Variants in PIK3R2 observed in about 807,000 individuals in gnomAD.
PIK3R2 encodes phosphoinositide-3-kinase regulatory subunit 2.
A neutral mutation model predicts 78.5 loss-of-function variants in PIK3R2; 40 were observed. The ratio of observed to expected loss-of-function variants is 0.51; its 90% CI spans 0.40 to 0.66. The LOEUF is 0.66. Among genes scored for constraint, PIK3R2 ranks in the 30% least tolerant of loss-of-function variants. The pLI is 0.00. For missense variants in PIK3R2, 880 were observed against 1,026.6 expected, an observed-to-expected ratio of 0.86 and a Z score of 1.95; for synonymous variants, 473 against 457.7, an observed-to-expected ratio of 1.03 and a Z score of -0.43.
chr19:18,160,598 G>A lies in PIK3R2; in HGVS notation c.415+35G>A, dbSNP rs368679806. 347 of 1,507,526 alleles carry A rather than the reference G, an allele frequency of 2.3e-4. 1 individual carries two copies. Among genetic ancestry groups the A allele is most frequent in the Admixed American group, 1.0e-3 (61 of 58,258 alleles). The allele number at this position is 1,507,526 out of a possible 1,614,324, so 93.4% of individuals were successfully genotyped here. On this transcript the variant is annotated intron_variant, in intron 3 of 15. Coordinates refer to ENST00000222254, the MANE Select transcript of PIK3R2 (RefSeq NM_005027.4). Reference sequence around the variant, plus strand: ...AGCCTGGCTGCAGCCCCTGGATTCTGCTTGCTTACCTCTAGTGACAGGCGA... The same window carrying A: ...AGCCTGGCTGCAGCCCCTGGATTCTACTTGCTTACCTCTAGTGACAGGCGA...
At chr19:18,164,193 A>T (rs1296683860) in intron 11 of PIK3R2, among the ~76,000 whole-genome samples, 4 of 152,206 alleles carry the variant, frequency 2.6e-5, no homozygotes, top group Middle Eastern at 3.2e-3. Flanking sequence ...AAAAGGACAG[A>T]TGAGAAGGGC....
intron 2 of PIK3R2, among the ~76,000 whole-genome samples, chr19:18,158,235 T>C (rs971354991): frequency 3.3e-5 from 5 of 152,258 alleles, no homozygotes; most frequent in African/African-American, 1.2e-4. Flanking sequence ...ATGCCTGTAA[T>C]CCCAGCACTT....
In PIK3R2 at chr19:18,170,144, G is replaced by A; in HGVS notation, c.*850G>A. 1 of 155,436 alleles carries A rather than the reference G, an allele frequency of 6.4e-6. No homozygotes were observed. Among genetic ancestry groups the A allele is most frequent in the Non-Finnish European group, 1.4e-5 (1 of 69,752 alleles). The allele number at this position is 155,436 out of a possible 1,614,324, so 9.6% of individuals were successfully genotyped here. ...AATCTCTTGAACCCAGGAGATGGAG[G>A]TTGCAGTGAGCAGAGATCGTGCCAC... On this transcript the variant is annotated 3_prime_UTR_variant, in exon 16 of 16. Transcript: ENST00000222254.
At chr19:18,154,128 C>G (rs2043652152) in intron 1 of PIK3R2, among the ~76,000 whole-genome samples, 1 of 152,130 alleles carries the variant, frequency 6.6e-6, no homozygotes, top group Non-Finnish European at 1.5e-5. Flanking sequence ...TTCCGTCTGC[C>G]TGTCGCGCCT....
In PIK3R2 at chr19:18,170,090, C is replaced by G. The variant is rs1568641469; in HGVS notation, c.*796C>G. Reference sequence around the variant, plus strand: ...GGGCGTGGTGGCGGCCGCCTGTAATCCCAGCTACTTGGGAGGCTGAGGCGT... The same window carrying G: ...GGGCGTGGTGGCGGCCGCCTGTAATGCCAGCTACTTGGGAGGCTGAGGCGT... On this transcript the variant is annotated 3_prime_UTR_variant, in exon 16 of 16. Coordinates refer to ENST00000222254, the MANE Select transcript of PIK3R2 (RefSeq NM_005027.4). 6.2e-6 allele frequency: 1 copy of G among 161,746 alleles called. No individual in the cohort carries two copies. Among genetic ancestry groups the G allele is most frequent in the African/African-American group, 2.4e-5 (1 of 41,696 alleles). The allele number at this position is 161,746 out of a possible 1,614,324, so 10.0% of individuals were successfully genotyped here. A position where few individuals can be genotyped will look rare whatever the true frequency, so the allele number is the denominator to read the frequency against.
chr19:18,156,298 A>AG lies in PIK3R2; in HGVS notation c.322+99dup. On this transcript the variant is annotated intron_variant, in intron 2 of 15. Coordinates refer to ENST00000222254, the MANE Select transcript of PIK3R2 (RefSeq NM_005027.4). This position sits in a 1 kb window ranked among gnomAD's most constrained non-coding sequence, Gnocchi z 4.2. ...GAGGCAATGGGATCTCCAAGGAAGG[A>AG]GGAAAAAGGACATTTGGTCATTTGA... 1.0e-6 allele frequency: 1 copy of AG among 969,198 alleles called. No homozygotes were observed. The highest frequency in any genetic ancestry group is 1.4e-6 in the Non-Finnish European group (1 of 690,818). 60.0% of individuals were successfully genotyped at this position (969,198 alleles called of 1,614,324 possible).
rs548223893 is a variant in PIK3R2, at chr19:18,158,954, G to A, written c.323-1517G>A. 1.2e-4 allele frequency among the ~76,000 whole-genome samples: 19 copies of A among 152,094 alleles called. No homozygotes were observed. In the South Asian group the frequency reaches 3.3e-3, roughly 27 times the overall value. ...CCTCTCGGGTTCAAGCGATTCTCCT[G>A]CCTCAGCCTCCCGAGTAGCTGGGAT... On this transcript the variant is annotated intron_variant, in intron 2 of 15. Coordinates refer to ENST00000222254, the MANE Select transcript of PIK3R2 (RefSeq NM_005027.4).
At chr19:18,164,422 G>A (rs1386119197) in intron 11 of PIK3R2, among the ~76,000 whole-genome samples, 1 of 152,070 alleles carries the variant, frequency 6.6e-6, no homozygotes, top group Non-Finnish European at 1.5e-5. Flanking sequence ...CGGGAGGATC[G>A]CTTGAGCCCA....
intron 2 of PIK3R2, among the ~76,000 whole-genome samples, 153 bp from the exon 3 acceptor site, chr19:18,160,318 C>T (rs1056324113): frequency 6.6e-6 from 1 of 152,224 alleles, no homozygotes; most frequent in African/African-American, 2.4e-5. Flanking sequence ...CAAGGTCTTG[C>T]AGCCTCCTGC....
Position 18,169,760 on chromosome 19 carries a change from T to G in PIK3R2, c.*466T>G, listed in dbSNP as rs1190768547. 3 of 203,274 alleles carry G rather than the reference T, an allele frequency of 1.5e-5. No individual in the cohort carries two copies. In the East Asian group the frequency reaches 2.2e-4, roughly 15 times the overall value. The allele number at this position is 203,274 out of a possible 1,614,324, so 12.6% of individuals were successfully genotyped here. A position where few individuals can be genotyped will look rare whatever the true frequency, so the allele number is the denominator to read the frequency against. ...GTCAGGGCAGGAAGGAACTTCACTCTGCTGCTTCCGAGAACCTCGGCCGTG... is the reference window on the plus strand; with the variant it reads ...GTCAGGGCAGGAAGGAACTTCACTCGGCTGCTTCCGAGAACCTCGGCCGTG... On this transcript the variant is annotated 3_prime_UTR_variant, in exon 16 of 16. Coordinates refer to ENST00000222254, the MANE Select transcript of PIK3R2 (RefSeq NM_005027.4).
In PIK3R2 at chr19:18,168,642, G is replaced by A. The variant is rs2043832945; in HGVS notation, c.1809-84G>A. 1 of 1,221,634 alleles carries A rather than the reference G, an allele frequency of 8.2e-7. No homozygotes were observed. The allele number at this position is 1,221,634 out of a possible 1,614,324, so 75.7% of individuals were successfully genotyped here. On this transcript the variant is annotated intron_variant, in intron 14 of 15. Coordinates refer to ENST00000222254, the MANE Select transcript of PIK3R2 (RefSeq NM_005027.4). The surrounding 1 kb of genome is among the most constrained non-coding windows in gnomAD (Gnocchi z 4.1). ...GAATGAGTAGGAGTTCACCAGGGAG[G>A]AAAAGTTGTCCAGGCAGCTGGGGAG...
At position 18,161,449 on chromosome 19, in the gene PIK3R2, GCGCCGCCGCCGCCGTCCT is replaced by G; in HGVS notation, c.780_797del (p.Pro261_Pro266del). 4.1e-6 allele frequency: 5 copies of G among 1,205,688 alleles called. No individual in the cohort carries two copies. The highest frequency in any genetic ancestry group is 5.1e-6 in the Non-Finnish European group (5 of 972,860). The allele number at this position is 1,205,688 out of a possible 1,614,324, so 74.7% of individuals were successfully genotyped here. On this transcript the variant is annotated inframe_deletion, in exon 6 of 16. Coordinates refer to ENST00000222254, the MANE Select transcript of PIK3R2 (RefSeq NM_005027.4). This position sits in a 1 kb window ranked among gnomAD's most constrained non-coding sequence, Gnocchi z 5.3. ...CACCTTTGGGCCGCTGCTGCTGCGCGCGCCGCCGCCGCCGTCCTCGCCGCCGCCAGGGGGCGCTCCCGA... is the reference window on the plus strand; with the variant it reads ...CACCTTTGGGCCGCTGCTGCTGCGCGCGCCGCCGCCAGGGGGCGCTCCCGA...
chr19:18,153,489 C>T (rs1317794992), intron 1 of PIK3R2, among the ~76,000 whole-genome samples, 195 bp downstream of exon 1: 1 of 152,166 alleles, frequency 6.6e-6, no homozygotes, highest in African/African-American at 2.4e-5. Context: ...CTCCTTGGGA[C>T]GGTCGGGGCA....
Position 18,160,537 on chromosome 19 carries a change from A to C in PIK3R2, c.389A>C (p.Lys130Thr). 6.2e-7 allele frequency: 1 copy of C among 1,613,722 alleles called. No homozygotes were observed. Among genetic ancestry groups the C allele is most frequent in the South Asian group, 1.1e-5 (1 of 91,042 alleles). ...PPDVAPPLLV[K>T]LVEAIERTGL... is the part of the protein sequence containing the mutation. ...GATGTGGCTCCCCCTCTTCTGGTGA[A>C]GCTTGTGGAGGCCATTGAAAGGACA... The change falls in exon 3 of 16, where the codon AAG becomes ACG. Residue 130 changes from lysine (K) to threonine (T), a missense_variant. By Grantham distance (78) the Lys-to-Thr change is moderately conservative (BLOSUM62 -1). This residue lies in a region of PIK3R2 where 456 missense variants were observed against 486.6 expected (regional missense o/e 0.94). Transcript: ENST00000222254.
At chr19:18,154,351 C>T (rs2043655700) in intron 1 of PIK3R2, among the ~76,000 whole-genome samples, 1 of 152,120 alleles carries the variant, frequency 6.6e-6, no homozygotes, top group Non-Finnish European at 1.5e-5. Context: ...CTTCTCCTGG[C>T]TCCCTGTCCC....
intron 3 of PIK3R2, 173 bp from the exon 4 acceptor site, chr19:18,160,746 T>C (rs2043733096): frequency 4.4e-6 from 4 of 906,098 alleles, no homozygotes; most frequent in Admixed American, 2.1e-5. Context: ...AAGGTGAACA[T>C]GACCAGGCCA....
At chr19:18,165,875 C>T (rs1007319730) in intron 11 of PIK3R2, among the ~76,000 whole-genome samples, 1 of 151,944 alleles carries the variant, frequency 6.6e-6, no homozygotes, top group African/African-American at 2.4e-5. Context: ...CCCAAGAAGC[C>T]CTGTGAGCTG....
rs558189276 is a variant in PIK3R2, at chr19:18,162,022, A to G, written c.872A>G (p.His291Arg). 77 of 1,613,902 alleles carry G rather than the reference A, an allele frequency of 4.8e-5. 1 individual carries two copies. In the South Asian group the frequency reaches 7.8e-4, roughly 16 times the overall value. ...CTGGTGGAGAAGCTGCTTCAGGAAC[A>G]CTTGGAAGAGCAGGAGGTTGCGCCC... ...ALLVEKLLQE[H>R]LEEQEVAPPA... Residue 291 changes from histidine (H) to arginine (R), a missense_variant, in exon 7 of 16, where the codon CAC becomes CGC. Transcript: ENST00000222254.
At chr19:18,162,543 C>CCTGTG in intron 9 of PIK3R2, 37 bp downstream of exon 9, 1 of 1,558,416 alleles carries the variant, frequency 6.4e-7, no homozygotes, top group Non-Finnish European at 8.8e-7. Context: ...CCGGGGGTCA[C>CCTGTG]AGGTCACAGA....
Sources: gnomAD v4.1 joint callset for allele counts (sites outside exome capture counted in the v4.1 genomes callset) on GRCh38, gnomAD v4.1.1 for gene constraint, gnomAD v4.1.1 regional missense constraint, Gnocchi (gnomAD v3.1) non-coding constraint, MANE v1.5 for transcripts, NCBI Gene and HGNC (gene_info 2026-07-23, HGNC 2026-07-21) for gene names.